Variants in ANKRD6 observed in about 807,000 individuals in gnomAD.
The protein encoded by ANKRD6 is ankyrin repeat domain-containing protein 6.
ANKRD6 carries 56 observed loss-of-function variants against 82.3 expected under a neutral mutation model. That is an observed-to-expected ratio of 0.68 (90% CI 0.55 to 0.85). ANKRD6 has a LOEUF of 0.85. Among genes scored for constraint, ANKRD6 ranks in the 40% least tolerant of loss-of-function variants. ANKRD6 has a pLI of 0.00. For missense variants in ANKRD6, 852 were observed against 907.6 expected (o/e 0.94, Z 0.79); for synonymous variants, 347 against 352.1 (o/e 0.99, Z 0.16).
intron 1 of ANKRD6, among the ~76,000 whole-genome samples, chr6:89,565,890 A>G (rs1788414456): frequency 6.6e-6 from 1 of 152,206 alleles, no homozygotes; most frequent in Non-Finnish European, 1.5e-5. Context: ...ACTGGATTAG[A>G]CATTTAAGTA....
At chr6:89,595,867 G>T (rs780399693) in intron 2 of ANKRD6, 49 bp from the exon 3 acceptor site, 2 of 1,460,602 alleles carry the variant, frequency 1.4e-6, no homozygotes, top group Non-Finnish European at 1.9e-6. Context: ...TCCCAAGGGA[G>T]TAGCATTGAG....
chr6:89,469,188 G>C (rs1288078517), intron 1 of ANKRD6, among the ~76,000 whole-genome samples: 2 of 152,178 alleles, frequency 1.3e-5, no homozygotes, highest in Non-Finnish European at 2.9e-5. Flanking sequence ...ATCTTGTCTA[G>C]AGTATGTTTA....
chr6:89,603,063 T>G lies in ANKRD6; in HGVS notation c.254T>G (p.Val85Gly), dbSNP rs779993948. Residue 85 changes from valine (V) to glycine (G), a missense_variant, in exon 4 of 16, where the codon GTG becomes GGG. Val to Gly is a moderately radical substitution (Grantham distance 109). Coordinates refer to ENST00000339746, the MANE Select transcript of ANKRD6 (RefSeq NM_001242809.2). ...ACCGCCTTGCACCGGGCCACAGTGG[T>G]GGGGAACACGGAGATCATCGCGGCG... ...DQTALHRATVVGNTEIIAALI... is the reference protein window; with the variant it reads ...DQTALHRATVGGNTEIIAALI... The G allele has an allele frequency of 6.2e-7, 1 of 1,608,954 alleles. No individual in the cohort carries two copies. Among genetic ancestry groups the G allele is most frequent in the Non-Finnish European group, 8.5e-7 (1 of 1,178,094 alleles).
At chr6:89,473,468 T>A (rs1395083010) in intron 1 of ANKRD6, among the ~76,000 whole-genome samples, 1 of 152,164 alleles carries the variant, frequency 6.6e-6, no homozygotes, top group Admixed American at 6.5e-5. Flanking sequence ...CTTGTTTACT[T>A]TTCCTTTTAA....
intron 5 of ANKRD6, among the ~76,000 whole-genome samples, chr6:89,609,766 C>T (rs1052762114): frequency 6.6e-6 from 1 of 152,148 alleles, no homozygotes; most frequent in Non-Finnish European, 1.5e-5. Flanking sequence ...CACACACCAC[C>T]ATGCCCAGCT....
At chr6:89,614,180 TA>T (rs1340930804) in intron 7 of ANKRD6, among the ~76,000 whole-genome samples, 1 of 152,034 alleles carries the variant, frequency 6.6e-6, no homozygotes, top group African/African-American at 2.4e-5. Flanking sequence ...AATGTGATTT[TA>T]AAAAGAAAAC....
chr6:89,601,009 C>A (rs1223230815), intron 3 of ANKRD6, among the ~76,000 whole-genome samples: 1 of 152,160 alleles, frequency 6.6e-6, no homozygotes, highest in Non-Finnish European at 1.5e-5. Flanking sequence ...TGCACTCCAG[C>A]CTGGGCGACA....
At chr6:89,627,217 C>T (rs1284825661) in intron 13 of ANKRD6, among the ~76,000 whole-genome samples, 10 of 152,044 alleles carry the variant, frequency 6.6e-5, no homozygotes, top group African/African-American at 2.2e-4. Context: ...CCACCACACC[C>T]GGCTAATTTT....
chr6:89,548,132 C>A (rs988541431), intron 1 of ANKRD6, among the ~76,000 whole-genome samples: 3 of 152,168 alleles, frequency 2.0e-5, no homozygotes, highest in Non-Finnish European at 4.4e-5. Flanking sequence ...TCAGTCATCG[C>A]CACTAAATCC....
intron 1 of ANKRD6, among the ~76,000 whole-genome samples, chr6:89,519,737 A>G (rs994153480): frequency 6.6e-6 from 1 of 152,206 alleles, no homozygotes; most frequent in Admixed American, 6.5e-5. Flanking sequence ...TTCTTGATAA[A>G]TGTCTTTTGA....
intron 1 of ANKRD6, among the ~76,000 whole-genome samples, chr6:89,566,238 GC>G (rs1370429231): frequency 6.6e-6 from 1 of 152,240 alleles, no homozygotes; most frequent in Non-Finnish European, 1.5e-5. Context: ...CAAGGAATTG[GC>G]CCAGGCCTGT....
At chr6:89,499,640 C>G (rs929919292) in intron 1 of ANKRD6, among the ~76,000 whole-genome samples, 17 of 152,076 alleles carry the variant, frequency 1.1e-4, no homozygotes. Context: ...AGTGCCGTAC[C>G]ACAAATGTTC....
chr6:89,630,373 C>T, intron 15 of ANKRD6, 60 bp from the exon 16 acceptor site: 1 of 1,545,986 alleles, frequency 6.5e-7, no homozygotes, highest in Non-Finnish European at 8.7e-7. Context: ...TACTGACCCG[C>T]AGCCATATGA....
At chr6:89,615,651 G>C (rs1417179774) in intron 7 of ANKRD6, among the ~76,000 whole-genome samples, 1 of 152,136 alleles carries the variant, frequency 6.6e-6, no homozygotes, top group Non-Finnish European at 1.5e-5. Context: ...AAGTGACTCA[G>C]AAATGAAATA....
At chr6:89,474,337 T>C (rs1432638144) in intron 1 of ANKRD6, among the ~76,000 whole-genome samples, 1 of 152,166 alleles carries the variant, frequency 6.6e-6, no homozygotes, top group Non-Finnish European at 1.5e-5. Flanking sequence ...GTCATTAGCT[T>C]GAGGTAGAGA....
At chr6:89,593,927 G>A (rs1238538178) in intron 2 of ANKRD6, among the ~76,000 whole-genome samples, 3 of 152,208 alleles carry the variant, frequency 2.0e-5, no homozygotes, top group African/African-American at 7.2e-5. Flanking sequence ...GACATGCTTA[G>A]AGCATTTGAA....
intron 1 of ANKRD6, among the ~76,000 whole-genome samples, chr6:89,550,383 A>G (rs1785667942): frequency 6.6e-6 from 1 of 152,342 alleles, no homozygotes; most frequent in African/African-American, 2.4e-5. Flanking sequence ...ACAATATTGG[A>G]TAAATTTCAC....
chr6:89,466,875 T>G (rs1395031440), intron 1 of ANKRD6, among the ~76,000 whole-genome samples: 1 of 152,204 alleles, frequency 6.6e-6, no homozygotes, highest in Non-Finnish European at 1.5e-5. Context: ...CCCGGCTAAT[T>G]TTTAATCTTT....
At chr6:89,622,342 CCA>C (rs1803732827) in intron 10 of ANKRD6, among the ~76,000 whole-genome samples, 2 of 152,196 alleles carry the variant, frequency 1.3e-5, no homozygotes, top group South Asian at 4.1e-4. Flanking sequence ...AACACCATGC[CCA>C]GATTGTGTAG....
Sources: gnomAD v4.1 joint callset for allele counts (sites outside exome capture counted in the v4.1 genomes callset) on GRCh38, gnomAD v4.1.1 for gene constraint, MANE v1.5 for transcripts, NCBI Gene and HGNC (gene_info 2026-07-23, HGNC 2026-07-21) for gene names.